The following TXNDC5 variants were observed in gnomAD, a reference collection of about 807,000 sequenced individuals.
TXNDC5 encodes thioredoxin domain containing 5.
Under a neutral mutation model 52.6 loss-of-function variants are expected in TXNDC5, and 44 were observed. The observed-to-expected ratio is 0.84, with a 90% CI of 0.66 to 1.08. The LOEUF (loss-of-function observed/expected upper bound fraction) is 1.08. Ranked by LOEUF, TXNDC5 falls within the 50% of genes least tolerant of loss-of-function variation. The probability of loss-of-function intolerance (pLI) is 0.00; values close to 1 mark genes in which losing one functional copy is unlikely to be tolerated. For missense variants in TXNDC5, 600 were observed against 565.5 expected (o/e 1.06, Z -0.62); for synonymous variants, 241 against 234.4 (o/e 1.03, Z -0.26).
At chr6:7,893,103 A>G (rs1458367078) in intron 4 of TXNDC5, among the ~76,000 whole-genome samples, 1 of 152,044 alleles carries the variant, frequency 6.6e-6, no homozygotes, top group Non-Finnish European at 1.5e-5. Context: ...ACGGGGAAAA[A>G]AACAAACAAA....
chr6:7,909,667 A>T, intron 1 of TXNDC5: 1 of 642,906 alleles, frequency 1.6e-6, no homozygotes, highest in Non-Finnish European at 1.9e-6. Flanking sequence ...CTCCGTTCAG[A>T]GATTACATCC....
intron 8 of TXNDC5, among the ~76,000 whole-genome samples, chr6:7,884,716 G>A (rs1475468466): frequency 6.6e-6 from 1 of 152,224 alleles, no homozygotes; most frequent in Non-Finnish European, 1.5e-5. Flanking sequence ...TAATGTGACA[G>A]AAGCAAGCCA....
At chr6:7,908,884 G>T (rs567081741) in intron 1 of TXNDC5, among the ~76,000 whole-genome samples, 1 of 152,158 alleles carries the variant, frequency 6.6e-6, no homozygotes, top group East Asian at 1.9e-4. Flanking sequence ...CCCATCGACA[G>T]ATGTATTCCA....
Position 7,881,778 on chromosome 6 carries a change from A to C in TXNDC5, c.*1366T>G, listed in dbSNP as rs1164113721. 2 of 152,204 alleles carry C rather than the reference A, an allele frequency of 1.3e-5. No homozygotes were observed. Among genetic ancestry groups the C allele is most frequent in the East Asian group, 3.8e-4 (2 of 5,198 alleles). The allele number at this position is 152,204 out of a possible 1,614,324, so 9.4% of individuals were successfully genotyped here. A position where few individuals can be genotyped will look rare whatever the true frequency, so the allele number is the denominator to read the frequency against. On this transcript the variant is annotated 3_prime_UTR_variant, in exon 10 of 10. Transcript: ENST00000379757. ...ATCTTCTGCCTCAGACAGACAGTAT[A>C]AGTGGTCTTGTTTCTAAGATTCCTA...
Position 7,905,809 on chromosome 6 carries a change from G to A in TXNDC5, c.264-1086C>T, listed in dbSNP as rs570554889. Among the ~76,000 whole-genome samples, 481 of 152,298 alleles carry A rather than the reference G, an allele frequency of 3.2e-3. 1 individual carries two copies. The highest frequency in any genetic ancestry group is 0.011 in the African/African-American group (462 of 41,560). On this transcript the variant is annotated intron_variant, in intron 1 of 9. Coordinates refer to ENST00000379757, the MANE Select transcript of TXNDC5 (RefSeq NM_030810.5). ...ATGCCTACAATGTAACCACTTTGCTGTATCGCTTTTTAAAATGCTTTTTTT... is the reference window on the plus strand; with the variant it reads ...ATGCCTACAATGTAACCACTTTGCTATATCGCTTTTTAAAATGCTTTTTTT...
intron 3 of TXNDC5, among the ~76,000 whole-genome samples, chr6:7,896,259 T>C (rs539275154): frequency 6.6e-6 from 1 of 152,242 alleles, no homozygotes; most frequent in East Asian, 1.9e-4. Flanking sequence ...CTAAGTCTCA[T>C]ACAGAAAGAG....
Position 7,888,752 on chromosome 6 carries a change from T to C in TXNDC5, c.916A>G (p.Thr306Ala). 6.2e-7 allele frequency: 1 copy of C among 1,614,006 alleles called. No homozygotes were observed. The highest frequency in any genetic ancestry group is 8.5e-7 in the Non-Finnish European group (1 of 1,179,998). ...RTETGATETV[T>A]PSEAPVLAAE... is the part of the protein sequence containing the mutation. ...GCCAGCACCGGGGCCTCTGAGGGCG[T>C]GACGGTCTCCGTCGCTCCAGTCTCT... Residue 306 changes from threonine (T) to alanine (A), a missense_variant, in exon 7 of 10, where the codon ACG becomes GCG. Physicochemically the swap from Thr to Ala is moderately conservative, Grantham distance 58. Transcript: ENST00000379757.
At chr6:7,887,354 C>A (rs1166002186) in intron 7 of TXNDC5, among the ~76,000 whole-genome samples, 1 of 152,234 alleles carries the variant, frequency 6.6e-6, no homozygotes, top group Non-Finnish European at 1.5e-5. Context: ...CCACTGGACA[C>A]TGCCACCTAC....
rs772902576 is a variant in TXNDC5 at position 7,888,686 on chromosome 6, G to A, written c.963+19C>T. 21 of 1,599,852 alleles carry A rather than the reference G, an allele frequency of 1.3e-5. No homozygotes were observed. The highest frequency in any genetic ancestry group is 9.0e-5 in the South Asian group (8 of 89,194). On this transcript the variant is annotated intron_variant, in intron 7 of 9. Coordinates refer to ENST00000379757, the MANE Select transcript of TXNDC5 (RefSeq NM_030810.5). ...GCCACGGGCCACTTATGGGGATCCCGACTCCAGCAGGCACCCACCTTGTCA... is the reference window on the plus strand; with the variant it reads ...GCCACGGGCCACTTATGGGGATCCCAACTCCAGCAGGCACCCACCTTGTCA...
intron 2 of TXNDC5, among the ~76,000 whole-genome samples, chr6:7,902,133 G>A (rs9502660): frequency 0.03 from 4,628 of 152,278 alleles, 232 homozygotes; most frequent in African/African-American, 0.1. Context: ...ACAGGAGCCA[G>A]GACGAGGCAA....
In TXNDC5 at chr6:7,906,552, A is replaced by AAAAAC. The variant is rs1554129849; in HGVS notation, c.264-1830_264-1829insGTTTT. ...CTCCATCTCAAAAAAAAAAAAAAAA[A>AAAAAC]AAAAAGAAAAACAGACTTAAAGGTA... is the stretch of plus-strand genomic sequence containing the variant. On this transcript the variant is annotated intron_variant, in intron 1 of 9. Coordinates refer to ENST00000379757, the MANE Select transcript of TXNDC5 (RefSeq NM_030810.5). 2.0e-5 allele frequency among the ~76,000 whole-genome samples: 3 copies of AAAAAC among 150,454 alleles called. No individual in the cohort carries two copies. The East Asian group carries it at 5.8e-4, about 29-fold the overall frequency.
intron 1 of TXNDC5, among the ~76,000 whole-genome samples, chr6:7,910,229 TC>T (rs1350308607): frequency 6.7e-6 from 1 of 149,894 alleles, no homozygotes; most frequent in Non-Finnish European, 1.5e-5. Flanking sequence ...AAGCCCTCGG[TC>T]CCCTGCAGTC....
chr6:7,895,015 C>CT, intron 4 of TXNDC5, 91 bp downstream of exon 4: 3 of 1,494,444 alleles, frequency 2.0e-6, no homozygotes, highest in Non-Finnish European at 2.7e-6. Flanking sequence ...ATGCTGCTAT[C>CT]TAAGAGCCCT....
At chr6:7,909,456 G>A (rs570731190) in intron 1 of TXNDC5, among the ~76,000 whole-genome samples, 61 of 152,256 alleles carry the variant, frequency 4.0e-4, no homozygotes, top group Non-Finnish European at 7.9e-4. Context: ...ATGACAGGAA[G>A]CTCTTCCGTG....
At chr6:7,894,688 G>C (rs573906833) in intron 4 of TXNDC5, 21 of 969,362 alleles carry the variant, frequency 2.2e-5, no homozygotes, top group Middle Eastern at 5.3e-4. Flanking sequence ...CTGACAGAGG[G>C]ATACAAAGTA....
chr6:7,881,547 A>G lies in TXNDC5; in HGVS notation c.*1597T>C, dbSNP rs1017500918. ...AAAAAAAAGAGTTTATTTAGAAAGTATCATAGTGTAAACAAACAAATTGTA... is the reference window on the plus strand; with the variant it reads ...AAAAAAAAGAGTTTATTTAGAAAGTGTCATAGTGTAAACAAACAAATTGTA... On this transcript the variant is annotated 3_prime_UTR_variant, in exon 10 of 10. Transcript: ENST00000379757. 3 of 152,420 alleles carry G rather than the reference A, an allele frequency of 2.0e-5. No homozygotes were observed. The highest frequency in any genetic ancestry group is 4.8e-5 in the African/African-American group (2 of 41,476). 9.4% of individuals were successfully genotyped at this position (152,420 alleles called of 1,614,324 possible). A position where few individuals can be genotyped will look rare whatever the true frequency, so the allele number is the denominator to read the frequency against.
At chr6:7,893,455 C>A (rs753324896) in intron 4 of TXNDC5, among the ~76,000 whole-genome samples, 22 of 152,098 alleles carry the variant, frequency 1.4e-4, no homozygotes, top group Non-Finnish European at 2.5e-4. Context: ...TGATGGGAAG[C>A]CAGCAAGGGC....
intron 9 of TXNDC5, among the ~76,000 whole-genome samples, chr6:7,883,880 G>T (rs113896998): frequency 6.6e-6 from 1 of 152,212 alleles, no homozygotes; most frequent in South Asian, 2.1e-4. Context: ...AATGAAGGCA[G>T]TAGTTAACCC....
chr6:7,903,403 T>TTTCCAAA (rs1267165552), intron 2 of TXNDC5, among the ~76,000 whole-genome samples: 8 of 152,334 alleles, frequency 5.3e-5, no homozygotes, highest in Admixed American at 3.3e-4. Context: ...AACGCCCACA[T>TTTCCAAA]TTCCAAATGG....
Sources: allele counts gnomAD v4.1 joint callset (sites outside exome capture counted in the v4.1 genomes callset), GRCh38; gene constraint gnomAD v4.1.1; transcripts MANE v1.5; gene names NCBI Gene and HGNC (gene_info 2026-07-23, HGNC 2026-07-21).